Variants in MAP3K4 observed in about 807,000 individuals in gnomAD.
MAP3K4 encodes the protein MAP three kinase 1.
Under a neutral mutation model 185.6 loss-of-function variants are expected in MAP3K4, and 67 were observed. That is an observed-to-expected ratio of 0.36 (90% confidence interval 0.30 to 0.44). MAP3K4 has a LOEUF of 0.44. Among genes scored for constraint, MAP3K4 ranks in the 20% least tolerant of loss-of-function variants. The pLI is 1.00. For synonymous variants in MAP3K4, 702 were observed against 710.4 expected (o/e 0.99, Z 0.19); for missense variants, 1,551 against 1,995.1 (o/e 0.78, Z 4.24).
chr6:161,009,077 C>T (rs1051848609), intron 1 of MAP3K4, among the ~76,000 whole-genome samples: 11 of 151,344 alleles, frequency 7.3e-5, no homozygotes, highest in Non-Finnish European at 1.5e-5. Flanking sequence ...CTCCGCCTTG[C>T]AGGTTCAAGA....
chr6:160,995,148 G>A (rs1780931725), intron 1 of MAP3K4, among the ~76,000 whole-genome samples: 1 of 152,104 alleles, frequency 6.6e-6, no homozygotes, highest in Non-Finnish European at 1.5e-5. Context: ...ATTCTTGCAG[G>A]AGTAAGGTGG....
In MAP3K4 at chr6:161,049,097, G is replaced by T. The variant is rs758777615; in HGVS notation, c.825G>T (p.Arg275=). Reference sequence around the variant, plus strand: ...AGCTACAAGCCTGGCATGCAGGACGGACAATTAACGACCAGGACTTCTTTT... The same window carrying T: ...AGCTACAAGCCTGGCATGCAGGACGTACAATTAACGACCAGGACTTCTTTT... ...WLELQAWHAG[R]TINDQDFFLY... The change falls in exon 3 of 27, where the codon CGG becomes CGT. Residue 275 remains arginine, a synonymous_variant. Transcript: ENST00000392142. The surrounding 1 kb of genome is among the most constrained non-coding windows in gnomAD (Gnocchi z 8.4). 20 of 1,614,050 alleles carry T rather than the reference G, an allele frequency of 1.2e-5. No individual in the cohort carries two copies. The highest frequency in any genetic ancestry group is 1.7e-5 in the Non-Finnish European group (20 of 1,180,034).
At chr6:161,000,834 TACAC>T (rs1296921984) in intron 1 of MAP3K4, among the ~76,000 whole-genome samples, 1 of 144,246 alleles carries the variant, frequency 6.9e-6, no homozygotes, top group South Asian at 2.1e-4. Flanking sequence ...TATGCACACA[TACAC>T]ATGTGTACGC....
chr6:161,087,552 T>G lies in MAP3K4; in HGVS notation c.2557-136T>G, dbSNP rs1785793430. 1 of 830,678 alleles carries G rather than the reference T, an allele frequency of 1.2e-6. No individual in the cohort carries two copies. The highest frequency in any genetic ancestry group is 1.7e-5 in the African/African-American group (1 of 58,562). The allele number at this position is 830,678 out of a possible 1,614,324, so 51.5% of individuals were successfully genotyped here. ...TCACACTGAAGCCGGCTACCTGCAG[T>G]TCCCTCACTGCTCCAATTCATGCCC... On this transcript the variant is annotated intron_variant, in intron 9 of 26. Coordinates refer to ENST00000392142, the MANE Select transcript of MAP3K4 (RefSeq NM_005922.4). This position sits in a 1 kb window ranked among gnomAD's most constrained non-coding sequence, Gnocchi z 4.9.
Position 161,055,378 on chromosome 6 carries a change from A to G in MAP3K4, c.1707+5399A>G, listed in dbSNP as rs1317668024. 3.9e-5 allele frequency among the ~76,000 whole-genome samples: 6 copies of G among 152,230 alleles called. No individual in the cohort carries two copies. The South Asian group carries it at 1.0e-3, about 26-fold the overall frequency. On this transcript the variant is annotated intron_variant, in intron 3 of 26. Transcript: ENST00000392142. The stretch of plus-strand genomic sequence containing the variant: ...CTTAATATCAAAACTACTGCATACA[A>G]TTGTATTTTTTAGAGCAAACTTTTC...
Position 161,040,832 on chromosome 6 carries a change from G to A in MAP3K4, c.343+6383G>A, listed in dbSNP as rs531277872. On this transcript the variant is annotated intron_variant, in intron 2 of 26. Coordinates refer to ENST00000392142, the MANE Select transcript of MAP3K4 (RefSeq NM_005922.4). ...TTCAGTAAGAGGATATTATCTTTGTGCAAATAGGGATAGAAGGGAGGCAGT... is the reference window on the plus strand; with the variant it reads ...TTCAGTAAGAGGATATTATCTTTGTACAAATAGGGATAGAAGGGAGGCAGT... Among the ~76,000 whole-genome samples, 13 of 152,352 alleles carry A rather than the reference G, an allele frequency of 8.5e-5. No homozygotes were observed. In the East Asian group the frequency reaches 2.1e-3, roughly 25 times the overall value.
At chr6:161,105,386 A>G (rs1047554392) in intron 19 of MAP3K4, among the ~76,000 whole-genome samples, 2 of 152,168 alleles carry the variant, frequency 1.3e-5, no homozygotes, top group Admixed American at 1.3e-4. Context: ...GGTCTGTGAG[A>G]TAGGTATTTT....
intron 1 of MAP3K4, among the ~76,000 whole-genome samples, chr6:161,005,831 A>C (rs1173317061): frequency 6.6e-6 from 1 of 152,126 alleles, no homozygotes; most frequent in Non-Finnish European, 1.5e-5. Flanking sequence ...TCTGTCGCCC[A>C]GGTTAGAGTG....
At chr6:161,040,842 A>G (rs139681516) in intron 2 of MAP3K4, among the ~76,000 whole-genome samples, 1 of 152,380 alleles carries the variant, frequency 6.6e-6, no homozygotes, top group East Asian at 1.9e-4. Context: ...GCAAATAGGG[A>G]TAGAAGGGAG....
rs568782994 is a variant in MAP3K4, at chr6:161,061,460, A to C, written c.1708-9148A>C. On this transcript the variant is annotated intron_variant, in intron 3 of 26. Coordinates refer to ENST00000392142, the MANE Select transcript of MAP3K4 (RefSeq NM_005922.4). This position sits in a 1 kb window ranked among gnomAD's most constrained non-coding sequence, Gnocchi z 4.2. ...CAAAATAATAGCTTTATTGAGATAT[A>C]ATTCACTTAGCATAAAATTCACCAT... Among the ~76,000 whole-genome samples the C allele has an allele frequency of 6.6e-6, 1 of 152,234 alleles. No homozygotes were observed. Among genetic ancestry groups the C allele is most frequent in the African/African-American group, 2.4e-5 (1 of 41,456 alleles).
chr6:161,065,543 A>T (rs963668947), intron 3 of MAP3K4, among the ~76,000 whole-genome samples: 8 of 152,236 alleles, frequency 5.3e-5, no homozygotes, highest in African/African-American at 1.7e-4. Context: ...TCAGTAACCA[A>T]ATTATCATCA....
chr6:161,039,317 G>A (rs184870113), intron 2 of MAP3K4, among the ~76,000 whole-genome samples: 5 of 144,130 alleles, frequency 3.5e-5, no homozygotes, highest in African/African-American at 1.3e-4. Flanking sequence ...GTACATCCCT[G>A]AAGGAATGTA....
rs905885659 is a variant in MAP3K4 at position 161,054,532 on chromosome 6, ATC to A, written c.1707+4555_1707+4556del. Among the ~76,000 whole-genome samples the A allele has an allele frequency of 6.6e-6, 1 of 152,222 alleles. No individual in the cohort carries two copies. Among genetic ancestry groups the A allele is most frequent in the Non-Finnish European group, 1.5e-5 (1 of 68,038 alleles). ...ACTGAACTAGCAATACTAAAAAAAA[ATC>A]TGTTTGCAGTTTGTTTTCATAATAT... is the stretch of plus-strand genomic sequence containing the variant. On this transcript the variant is annotated intron_variant, in intron 3 of 26. Transcript: ENST00000392142. The surrounding 1 kb of genome is among the most constrained non-coding windows in gnomAD (Gnocchi z 4.2).
intron 1 of MAP3K4, among the ~76,000 whole-genome samples, chr6:161,027,650 AG>A (rs1040249484): frequency 1.3e-5 from 2 of 152,220 alleles, no homozygotes; most frequent in Non-Finnish European, 2.9e-5. Context: ...CTAAAAGACA[AG>A]GCTGTAGCCC....
rs1785838065 is a variant in MAP3K4 at position 161,088,199 on chromosome 6, TAGTTC to T, written c.2823+249_2823+253del. 6.6e-6 allele frequency among the ~76,000 whole-genome samples: 1 copy of T among 152,210 alleles called. No homozygotes were observed. Among genetic ancestry groups the T allele is most frequent in the African/African-American group, 2.4e-5 (1 of 41,448 alleles). Reference sequence around the variant, plus strand: ...CATCTATCTGGTTTATATCTTTTCTTAGTTCAGTCATGTAGTTAGATCTGTGGAGC... The same window carrying T: ...CATCTATCTGGTTTATATCTTTTCTTAGTCATGTAGTTAGATCTGTGGAGC... On this transcript the variant is annotated intron_variant, in intron 10 of 26. Transcript: ENST00000392142. The surrounding 1 kb of genome is among the most constrained non-coding windows in gnomAD (Gnocchi z 4.5).
chr6:161,078,952 G>A (rs1416188343), intron 5 of MAP3K4, among the ~76,000 whole-genome samples: 1 of 152,146 alleles, frequency 6.6e-6, no homozygotes, highest in African/African-American at 2.4e-5. Flanking sequence ...GGTGGCTCTC[G>A]ACTGTAATCC....
rs184541167 is a variant in MAP3K4 at position 161,084,807 on chromosome 6, A to G, written c.2372+190A>G. The stretch of plus-strand genomic sequence containing the variant: ...GATTTCTTAGTTATGGTTTTATGTG[A>G]AATTTTCTTTGAAGGGGAACTTAGA... On this transcript the variant is annotated intron_variant, in intron 7 of 26. Coordinates refer to ENST00000392142, the MANE Select transcript of MAP3K4 (RefSeq NM_005922.4). This position sits in a 1 kb window ranked among gnomAD's most constrained non-coding sequence, Gnocchi z 4.6. 1.2e-4 allele frequency among the ~76,000 whole-genome samples: 18 copies of G among 152,294 alleles called. No homozygotes were observed. Among genetic ancestry groups the G allele is most frequent in the African/African-American group, 4.3e-4 (18 of 41,552 alleles).
intron 23 of MAP3K4, among the ~76,000 whole-genome samples, chr6:161,111,574 A>T (rs1778352681): frequency 6.6e-6 from 1 of 152,182 alleles, no homozygotes. Flanking sequence ...GTGGGTTATT[A>T]ATGTTAGAAT....
chr6:161,116,900 C>T lies in MAP3K4; in HGVS notation c.*30C>T, dbSNP rs756794725. On this transcript the variant is annotated 3_prime_UTR_variant, in exon 27 of 27. Transcript: ENST00000392142. This position sits in a 1 kb window ranked among gnomAD's most constrained non-coding sequence, Gnocchi z 6.2. ...TAGTAGAATATGGACTTGGAAAATT[C>T]TCTTAATCACTACTGTATGTAATAT... is the stretch of plus-strand genomic sequence containing the variant. 1.3e-5 allele frequency: 20 copies of T among 1,592,492 alleles called. No homozygotes were observed. The highest frequency in any genetic ancestry group is 1.6e-5 in the Non-Finnish European group (19 of 1,160,368).
Sources: gnomAD v4.1 joint callset for allele counts (sites outside exome capture counted in the v4.1 genomes callset) on GRCh38, gnomAD v4.1.1 for gene constraint, Gnocchi (gnomAD v3.1) non-coding constraint, MANE v1.5 for transcripts, NCBI Gene and HGNC (gene_info 2026-07-23, HGNC 2026-07-21) for gene names.